The following DCAF6 variants were observed in gnomAD, a reference collection of about 807,000 sequenced individuals.
DCAF6 encodes DDB1- and CUL4-associated factor 6.
DCAF6 carries 54 observed loss-of-function variants against 125.1 expected under a neutral mutation model. The observed-to-expected ratio is 0.43, with a 90% CI of 0.35 to 0.54. The LOEUF (loss-of-function observed/expected upper bound fraction) is 0.54, where lower values mean the gene tolerates loss of function less well. Among genes scored for constraint, DCAF6 ranks in the 20% least tolerant of loss-of-function variants. DCAF6 has a pLI of 0.01. For missense variants in DCAF6, 934 were observed against 1,161.7 expected (o/e 0.80, Z 2.85); for synonymous variants, 371 against 390.4 (o/e 0.95, Z 0.58).
At chr1:167,942,252 T>C (rs1360059249) in intron 1 of DCAF6, among the ~76,000 whole-genome samples, 1 of 151,912 alleles carries the variant, frequency 6.6e-6, no homozygotes, top group Non-Finnish European at 1.5e-5. Context: ...TTAGTAGACA[T>C]GGGGTTTTGC....
intron 21 of DCAF6, 72 bp from the exon 22 acceptor site, chr1:168,075,299 G>A: frequency 2.9e-6 from 4 of 1,358,704 alleles, no homozygotes; most frequent in South Asian, 1.4e-5. Context: ...TAAATAAAAG[G>A]CATTGAAAAA....
At chr1:167,903,977 T>C in the DCAF6 span, 1 of 1,613,194 alleles carries the variant, frequency 6.2e-7, no homozygotes, top group Non-Finnish European at 8.5e-7. Context: ...AACTTCTCAG[T>C]CATTGCAGTA....
chr1:167,991,499 A>G (rs1212168543), intron 6 of DCAF6, among the ~76,000 whole-genome samples, 160 bp downstream of exon 6: 1 of 152,242 alleles, frequency 6.6e-6, no homozygotes, highest in Non-Finnish European at 1.5e-5. Flanking sequence ...CCAAGTGTTT[A>G]TGACCCTTTG....
chr1:167,934,090 A>C (rs1437615272), upstream of DCAF6, among the ~76,000 whole-genome samples: 1 of 152,212 alleles, frequency 6.6e-6, no homozygotes, highest in Non-Finnish European at 1.5e-5. Context: ...GGGGGTTAAA[A>C]TAACTGAACG....
the DCAF6 span, among the ~76,000 whole-genome samples, chr1:167,920,368 A>T: frequency 1.4e-4 from 22 of 152,340 alleles, no homozygotes; most frequent in African/African-American, 4.8e-4. Flanking sequence ...GCCCATTCAG[A>T]TACTTATTCT....
intron 7 of DCAF6, among the ~76,000 whole-genome samples, chr1:168,001,652 T>C (rs1571885611): frequency 6.6e-6 from 1 of 152,074 alleles, no homozygotes; most frequent in East Asian, 1.9e-4. Context: ...TTTTTTTTCT[T>C]AAAAATGATA....
At chr1:167,974,182 T>C (rs1306646938) in intron 3 of DCAF6, among the ~76,000 whole-genome samples, 1 of 152,132 alleles carries the variant, frequency 6.6e-6, no homozygotes, top group Non-Finnish European at 1.5e-5. Context: ...TATATCTGCA[T>C]GTATACTGTC....
chr1:167,934,871 T>G (rs998917879), upstream of DCAF6, among the ~76,000 whole-genome samples: 1 of 152,126 alleles, frequency 6.6e-6, no homozygotes, highest in Admixed American at 6.6e-5. Context: ...ACTCACTTTA[T>G]AGAAGAGGTA....
At position 168,056,001 on chromosome 1, in the gene DCAF6, T is replaced by C. The variant is rs556786336; in HGVS notation, c.2300+5068T>C. The C allele has an allele frequency of 8.1e-5, 130 of 1,606,962 alleles. No homozygotes were observed. The South Asian group carries it at 1.4e-3, about 17-fold the overall frequency. Reference sequence around the variant, plus strand: ...CAGTGTCATCTTGATCAGCCAACCATCTTCATAACAAGATTTGTTTACAAG... The same window carrying C: ...CAGTGTCATCTTGATCAGCCAACCACCTTCATAACAAGATTTGTTTACAAG... On this transcript the variant is annotated intron_variant, in intron 17 of 21. Transcript: ENST00000367840.
chr1:168,049,438 T>TG (rs1449347632), intron 16 of DCAF6, among the ~76,000 whole-genome samples: 5 of 146,246 alleles, frequency 3.4e-5, no homozygotes, highest in East Asian at 4.0e-4. Context: ...GTTGTTTTTT[T>TG]TTTTTTTTTT....
In DCAF6 at chr1:167,962,437, C is replaced by T. The variant is rs1258169229; in HGVS notation, c.160-4192C>T. ...GTCTTGGGGAAACTGACCTCTTTATCGTTATGAAATACCCTTCTTTTTCCC... is the reference window on the plus strand; with the variant it reads ...GTCTTGGGGAAACTGACCTCTTTATTGTTATGAAATACCCTTCTTTTTCCC... On this transcript the variant is annotated intron_variant, in intron 2 of 21. Coordinates refer to ENST00000367840, the MANE Select transcript of DCAF6 (RefSeq NM_001198956.2). Among the ~76,000 whole-genome samples the T allele has an allele frequency of 4.6e-5, 7 of 152,002 alleles. No individual in the cohort carries two copies. The East Asian group carries it at 5.8e-4, about 13-fold the overall frequency.
At chr1:167,869,745 A>T in the DCAF6 span, among the ~76,000 whole-genome samples, 1 of 151,862 alleles carries the variant, frequency 6.6e-6, no homozygotes, top group South Asian at 2.1e-4. Context: ...TCTCATGCAG[A>T]CCCCCTTAGA....
intron 21 of DCAF6, among the ~76,000 whole-genome samples, chr1:168,072,629 C>G (rs1216558753): frequency 6.6e-6 from 1 of 152,066 alleles, no homozygotes; most frequent in Non-Finnish European, 1.5e-5. Flanking sequence ...ATAGTAGTTG[C>G]TTAACAAATA....
chr1:167,888,217 C>A, the DCAF6 span, among the ~76,000 whole-genome samples: 1 of 152,090 alleles, frequency 6.6e-6, no homozygotes, highest in African/African-American at 2.4e-5. Flanking sequence ...TATGATTCCT[C>A]CTGATTTATT....
chr1:167,971,433 T>C (rs754170848), intron 3 of DCAF6, among the ~76,000 whole-genome samples: 1 of 152,148 alleles, frequency 6.6e-6, no homozygotes, highest in Non-Finnish European at 1.5e-5. Flanking sequence ...GTAAAACGAG[T>C]GTATAAATCT....
intron 10 of DCAF6, among the ~76,000 whole-genome samples, chr1:168,005,299 T>C (rs1683192950): frequency 6.6e-6 from 1 of 152,126 alleles, no homozygotes; most frequent in East Asian, 1.9e-4. Flanking sequence ...GTTTCTCTAG[T>C]ATTTACATGA....
intron 10 of DCAF6, among the ~76,000 whole-genome samples, chr1:168,015,502 T>G (rs1454567529): frequency 6.6e-6 from 1 of 151,952 alleles, no homozygotes; most frequent in Non-Finnish European, 1.5e-5. Flanking sequence ...AATCTTTTGC[T>G]TATGGAGGAC....
At chr1:167,959,403 C>G (rs533485536) in intron 2 of DCAF6, among the ~76,000 whole-genome samples, 3 of 152,158 alleles carry the variant, frequency 2.0e-5, no homozygotes, top group African/African-American at 7.2e-5. Flanking sequence ...TGTGGACATA[C>G]GTTTTCAGCT....
At chr1:167,905,225 A>G in the DCAF6 span, 1 of 1,423,374 alleles carries the variant, frequency 7.0e-7, no homozygotes, top group South Asian at 1.2e-5. Context: ...AATAGAGGAA[A>G]TCTGATATAT....
Sources: allele counts gnomAD v4.1 joint callset (sites outside exome capture counted in the v4.1 genomes callset), GRCh38; gene constraint gnomAD v4.1.1; transcripts MANE v1.5; gene names NCBI Gene and HGNC (gene_info 2026-07-23, HGNC 2026-07-21).